LUZP2: variants seen among roughly 807,000 people sequenced by gnomAD.
LUZP2 encodes leucine zipper protein 2.
LUZP2 carries 52 observed loss-of-function variants against 51.6 expected under a neutral mutation model. That is an observed-to-expected ratio of 1.01 (90% confidence interval 0.81 to 1.27). The LOEUF (loss-of-function observed/expected upper bound fraction) is 1.27, where lower values mean the gene tolerates loss of function less well. Among genes scored for constraint, LUZP2 ranks in the 50% most tolerant of loss-of-function variants. The pLI is 0.00. For synonymous variants in LUZP2, 154 were observed against 137.3 expected, an observed-to-expected ratio of 1.12 and a Z score of -0.85; for missense variants, 436 against 395.4, an observed-to-expected ratio of 1.10 and a Z score of -0.87.
chr11:24,833,801 T>A (rs1173302465), intron 5 of LUZP2, among the ~76,000 whole-genome samples: 1 of 151,736 alleles, frequency 6.6e-6, no homozygotes, highest in African/African-American at 2.4e-5. Context: ...AAGCATTTAA[T>A]GTATTCAGAG....
chr11:24,793,961 T>A (rs546705947), intron 5 of LUZP2, among the ~76,000 whole-genome samples: 6 of 152,252 alleles, frequency 3.9e-5, no homozygotes, highest in Non-Finnish European at 7.4e-5. Context: ...TAATAGAAAG[T>A]CAGAAAAGTA....
At chr11:24,539,317 C>T (rs1198613368) in intron 1 of LUZP2, among the ~76,000 whole-genome samples, 4 of 151,864 alleles carry the variant, frequency 2.6e-5, no homozygotes, top group African/African-American at 9.7e-5. Context: ...CTCGTTGCCA[C>T]AGATAATTTG....
At chr11:24,914,189 G>A (rs187891759) in intron 6 of LUZP2, among the ~76,000 whole-genome samples, 4 of 152,288 alleles carry the variant, frequency 2.6e-5, no homozygotes, top group African/African-American at 9.6e-5. Context: ...GGCCATGCCT[G>A]GGTGACAGAA....
chr11:24,792,450 T>G (rs2134097617), intron 5 of LUZP2, among the ~76,000 whole-genome samples: 1 of 152,000 alleles, frequency 6.6e-6, no homozygotes, highest in African/African-American at 2.4e-5. Flanking sequence ...AATACAACTT[T>G]ATGTGATATA....
At chr11:24,993,000 A>G (rs1472984638) in intron 9 of LUZP2, among the ~76,000 whole-genome samples, 2 of 152,194 alleles carry the variant, frequency 1.3e-5, no homozygotes, top group African/African-American at 4.8e-5. Flanking sequence ...TAAGTTTCAA[A>G]GAAAATTCTC....
intron 4 of LUZP2, among the ~76,000 whole-genome samples, chr11:24,746,416 A>T (rs919884328): frequency 6.6e-6 from 1 of 152,152 alleles, no homozygotes; most frequent in South Asian, 2.1e-4. Flanking sequence ...CTGCTGAGAA[A>T]TCTGCTGTTA....
chr11:24,880,656 C>T (rs1852430833), intron 5 of LUZP2, among the ~76,000 whole-genome samples: 2 of 152,082 alleles, frequency 1.3e-5, no homozygotes, highest in South Asian at 2.1e-4. Flanking sequence ...AGCAAACTTG[C>T]TGTGGGTTGA....
intron 7 of LUZP2, among the ~76,000 whole-genome samples, chr11:24,918,718 A>G (rs1281463828): frequency 6.6e-6 from 1 of 151,200 alleles, no homozygotes; most frequent in East Asian, 1.9e-4. Flanking sequence ...CAAACTTAAA[A>G]TCCCGTCACC....
At chr11:24,863,430 A>C (rs552106581) in intron 5 of LUZP2, among the ~76,000 whole-genome samples, 2 of 152,176 alleles carry the variant, frequency 1.3e-5, no homozygotes, top group African/African-American at 4.8e-5. Flanking sequence ...ACATGATCCA[A>C]GTGAAAGAAT....
chr11:24,578,627 T>C, intron 1 of LUZP2, among the ~76,000 whole-genome samples: 1 of 151,800 alleles, frequency 6.6e-6, no homozygotes, highest in East Asian at 1.9e-4. Flanking sequence ...GGTTTTCCTT[T>C]GCAGCAACAT....
intron 7 of LUZP2, among the ~76,000 whole-genome samples, chr11:24,936,288 G>A (rs1221563749): frequency 6.6e-6 from 1 of 152,104 alleles, no homozygotes; most frequent in Non-Finnish European, 1.5e-5. Flanking sequence ...CATTATACTT[G>A]TACATATTTT....
chr11:24,629,648 A>T (rs918507284), intron 1 of LUZP2, among the ~76,000 whole-genome samples: 3 of 151,046 alleles, frequency 2.0e-5, no homozygotes, highest in Admixed American at 1.3e-4. Flanking sequence ...GAGTGCCACA[A>T]TAAACATAAA....
chr11:24,785,117 C>T (rs956441413), intron 5 of LUZP2, among the ~76,000 whole-genome samples: 2 of 152,022 alleles, frequency 1.3e-5, no homozygotes, highest in Non-Finnish European at 2.9e-5. Flanking sequence ...TGGAAGATAT[C>T]TCTTCTATGA....
chr11:24,679,940 G>T (rs1442655293), intron 1 of LUZP2, among the ~76,000 whole-genome samples: 1 of 152,140 alleles, frequency 6.6e-6, no homozygotes, highest in Non-Finnish European at 1.5e-5. Flanking sequence ...TCACTGTGCT[G>T]AGCGATGAAG....
Position 24,922,833 on chromosome 11 carries a change from TTTTC to T in LUZP2, c.522+8299_522+8302del, listed in dbSNP as rs1219282142. On this transcript the variant is annotated intron_variant, in intron 7 of 11. Transcript: ENST00000336930. ...AAGTGGCACAGTTATATCTTTTTTT[TTTTC>T]TTTTTTTTTTTTTTTTTTTTTTTTT... Among the ~76,000 whole-genome samples, 206 of 42,340 alleles carry T rather than the reference TTTTC, an allele frequency of 4.9e-3. 35 individuals are homozygous for T. In the East Asian group the frequency reaches 0.067, roughly 14 times the overall value. 27.8% of individuals were successfully genotyped at this position (42,340 alleles called of 152,430 possible).
rs143716487 is a variant in LUZP2 at position 24,982,171 on chromosome 11, T to C, written c.598-955T>C. Among the ~76,000 whole-genome samples, 1,037 of 152,034 alleles carry C rather than the reference T, an allele frequency of 6.8e-3. 34 individuals carry two copies. The East Asian group carries it at 0.099, about 15-fold the overall frequency. On this transcript the variant is annotated intron_variant, in intron 8 of 11. Transcript: ENST00000336930. ...TTATGTAGTTAGTGGGAGTGTAAATTAGTTCAGCCATTGTGGAAAGCAGTA... is the reference window on the plus strand; with the variant it reads ...TTATGTAGTTAGTGGGAGTGTAAATCAGTTCAGCCATTGTGGAAAGCAGTA...
At chr11:25,057,637 T>A (rs1048396156) in intron 10 of LUZP2, among the ~76,000 whole-genome samples, 13 of 152,106 alleles carry the variant, frequency 8.5e-5, no homozygotes, top group African/African-American at 3.1e-4. Flanking sequence ...TAAGAGTTAA[T>A]ATTCAATGTA....
In LUZP2 at chr11:24,732,180, G is replaced by A; in HGVS notation, c.243G>A (p.Gln81=). ...TTCAGAAACTTCTGGAATTAGGACAGAAACAAAGGTAAGACTTTTCTTTTT... is the reference window on the plus strand; with the variant it reads ...TTCAGAAACTTCTGGAATTAGGACAAAAACAAAGGTAAGACTTTTCTTTTT... ...TDVQKLLELG[Q]KQREEMKSLQ... Residue 81 remains glutamine, a synonymous_variant, in exon 3 of 12, where the codon CAG becomes CAA. Transcript: ENST00000336930. 1 of 1,606,930 alleles carries A rather than the reference G, an allele frequency of 6.2e-7. No homozygotes were observed. The highest frequency in any genetic ancestry group is 8.5e-7 in the Non-Finnish European group (1 of 1,175,646).
At chr11:24,629,999 A>G (rs1172974358) in intron 1 of LUZP2, among the ~76,000 whole-genome samples, 1 of 142,492 alleles carries the variant, frequency 7.0e-6, no homozygotes, top group Non-Finnish European at 1.5e-5. Flanking sequence ...TCTTCTTTTG[A>G]AAAATGTCTA....
Sources: gnomAD v4.1 joint callset for allele counts (sites outside exome capture counted in the v4.1 genomes callset) on GRCh38, gnomAD v4.1.1 for gene constraint, MANE v1.5 for transcripts, NCBI Gene and HGNC (gene_info 2026-07-23, HGNC 2026-07-21) for gene names.